PAPPA: variants seen among roughly 807,000 people sequenced by gnomAD.
The protein encoded by PAPPA is pappalysin-1.
PAPPA carries 60 observed loss-of-function variants against 164.0 expected under a neutral mutation model. The observed-to-expected ratio is 0.37, with a 90% CI of 0.30 to 0.45. PAPPA has a LOEUF of 0.45. PAPPA is among the 20% of genes least tolerant of loss of function. The pLI is 1.00. For missense variants in PAPPA, 1,782 were observed against 2,087.3 expected (o/e 0.85, Z 2.85); for synonymous variants, 875 against 814.1 (o/e 1.07, Z -1.27).
chr9:116,294,760 T>A, intron 9 of PAPPA, among the ~76,000 whole-genome samples: 1 of 152,230 alleles, frequency 6.6e-6, no homozygotes, highest in East Asian at 1.9e-4. Context: ...TGAACCCATC[T>A]CTAAATAAAC....
intron 10 of PAPPA, among the ~76,000 whole-genome samples, chr9:116,317,558 G>A (rs1290491079): frequency 6.6e-6 from 1 of 152,160 alleles, no homozygotes; most frequent in East Asian, 1.9e-4. Context: ...TATCTTCAGT[G>A]TCTAAATCTC....
intron 10 of PAPPA, among the ~76,000 whole-genome samples, chr9:116,326,898 A>G (rs1411912276): frequency 6.6e-6 from 1 of 152,162 alleles, no homozygotes; most frequent in East Asian, 1.9e-4. Context: ...CATTCCTCTT[A>G]TTGCAGATTG....
rs1028529154 is a variant in PAPPA at position 116,302,930 on chromosome 9, G to A, written c.3127G>A (p.Gly1043Arg). The A allele has an allele frequency of 2.5e-6, 4 of 1,613,558 alleles. No individual in the cohort carries two copies. The highest frequency in any genetic ancestry group is 2.2e-5 in the East Asian group (1 of 44,866). ...GCAATGCCCAGGCTGGGTCATCATC[G>A]GACAGCCAGCAGCATCCCAGGTAAG... ...DQQCPGWVII[G>R]QPAASQVCRT... is the part of the protein sequence containing the mutation. Residue 1043 changes from glycine (G) to arginine (R), a missense_variant, in exon 10 of 22, where the codon GGA (glycine) becomes AGA (arginine). Around this residue, in one of 2 missense-constraint regions of PAPPA, gnomAD observed 1,324 missense variants for 1,656.9 expected, o/e 0.80. Coordinates refer to ENST00000328252, the MANE Select transcript of PAPPA (RefSeq NM_002581.5).
chr9:116,213,865 G>A (rs774842572), intron 4 of PAPPA, among the ~76,000 whole-genome samples: 2 of 152,160 alleles, frequency 1.3e-5, no homozygotes, highest in Admixed American at 6.5e-5. Flanking sequence ...TGATAGATGA[G>A]GTGACAAAAG....
chr9:116,269,734 T>C lies in PAPPA; in HGVS notation c.2862-1591T>C, dbSNP rs144255241. ...GATGGAAGGGAGGTTGAAAGTAAGC[T>C]TTGTGGCTTAGGGAACCAGCCCAGG... On this transcript the variant is annotated intron_variant, in intron 8 of 21. Transcript: ENST00000328252. 2.0e-3 allele frequency among the ~76,000 whole-genome samples: 312 copies of C among 152,322 alleles called. 1 individual carries two copies. Among genetic ancestry groups the C allele is most frequent in the African/African-American group, 7.3e-3 (304 of 41,582 alleles).
At position 116,277,188 on chromosome 9, in the gene PAPPA, T is replaced by C. The variant is rs570844371; in HGVS notation, c.2953+5772T>C. Among the ~76,000 whole-genome samples the C allele has an allele frequency of 2.0e-5, 3 of 152,140 alleles. No homozygotes were observed. In the East Asian group the frequency reaches 5.8e-4, roughly 29 times the overall value. On this transcript the variant is annotated intron_variant, in intron 9 of 21. Transcript: ENST00000328252. ...ACCTCTCACCTTAAAAAAATTAAAA[T>C]TAAGAAAACAAAATAAAACTTCTCC...
chr9:116,324,026 A>G (rs1054254921), intron 10 of PAPPA, among the ~76,000 whole-genome samples: 10 of 152,214 alleles, frequency 6.6e-5, no homozygotes, highest in African/African-American at 2.4e-4. Flanking sequence ...CTGTTGAAGC[A>G]GCTTCTATTT....
At chr9:116,300,834 A>G (rs1368337111) in intron 9 of PAPPA, among the ~76,000 whole-genome samples, 1 of 125,732 alleles carries the variant, frequency 8.0e-6, no homozygotes, top group Admixed American at 8.9e-5. Context: ...AAGCAAATCA[A>G]CCCATTAAAA....
At chr9:116,377,250 A>G (rs1387672879) in intron 19 of PAPPA, among the ~76,000 whole-genome samples, 1 of 150,768 alleles carries the variant, frequency 6.6e-6, no homozygotes, top group African/African-American at 2.4e-5. Flanking sequence ...CCTTATCCCA[A>G]CTCCACGAAT....
At chr9:116,229,895 C>T (rs903667600) in intron 6 of PAPPA, among the ~76,000 whole-genome samples, 1 of 152,098 alleles carries the variant, frequency 6.6e-6, no homozygotes, top group African/African-American at 2.4e-5. Context: ...AAGATTCTCC[C>T]CTGAGATGTC....
In PAPPA at chr9:116,254,550, G is replaced by A. The variant is rs539043789; in HGVS notation, c.2733-11307G>A. Among the ~76,000 whole-genome samples the A allele has an allele frequency of 6.9e-3, 1,049 of 152,158 alleles. 53 individuals carry two copies. Among genetic ancestry groups the A allele is most frequent in the Admixed American group, 0.06 (910 of 15,276 alleles). Reference sequence around the variant, plus strand: ...GTAATCCCAGCACTTTGGGAGGCCAGGGTGGGCGGATCACAAGGTCAGGAG... The same window carrying A: ...GTAATCCCAGCACTTTGGGAGGCCAAGGTGGGCGGATCACAAGGTCAGGAG... On this transcript the variant is annotated intron_variant, in intron 7 of 21. Coordinates refer to ENST00000328252, the MANE Select transcript of PAPPA (RefSeq NM_002581.5).
chr9:116,266,283 A>G (rs538507514), intron 8 of PAPPA, among the ~76,000 whole-genome samples: 1 of 152,354 alleles, frequency 6.6e-6, no homozygotes, highest in East Asian at 1.9e-4. Context: ...TATGTGTGCT[A>G]CAAGGATTCC....
At chr9:116,283,478 G>T (rs1845291704) in intron 9 of PAPPA, among the ~76,000 whole-genome samples, 2 of 152,066 alleles carry the variant, frequency 1.3e-5, no homozygotes, top group East Asian at 3.9e-4. Flanking sequence ...GGGGGTGAGT[G>T]GGCAGTTCTC....
At chr9:116,266,041 G>T in intron 8 of PAPPA, 56 bp downstream of exon 8, 1 of 1,496,132 alleles carries the variant, frequency 6.7e-7, no homozygotes, top group Non-Finnish European at 9.2e-7. Context: ...GTCAAGAGAT[G>T]GTTAGGGTGC....
At position 116,278,036 on chromosome 9, in the gene PAPPA, G is replaced by A. The variant is rs138477934; in HGVS notation, c.2953+6620G>A. ...CTATGAGATAAATAATGTTATCCCCGTTTTGTAGAGGAAAAAACTGTGGTT... is the reference window on the plus strand; with the variant it reads ...CTATGAGATAAATAATGTTATCCCCATTTTGTAGAGGAAAAAACTGTGGTT... On this transcript the variant is annotated intron_variant, in intron 9 of 21. Coordinates refer to ENST00000328252, the MANE Select transcript of PAPPA (RefSeq NM_002581.5). Among the ~76,000 whole-genome samples the A allele has an allele frequency of 9.8e-4, 150 of 152,316 alleles. 2 individuals carry two copies. The East Asian group carries it at 0.023, about 23-fold the overall frequency.
At chr9:116,232,422 C>T (rs1844609752) in intron 6 of PAPPA, among the ~76,000 whole-genome samples, 1 of 152,194 alleles carries the variant, frequency 6.6e-6, no homozygotes, top group African/African-American at 2.4e-5. Flanking sequence ...GGTAACATTA[C>T]AGTAGGTAAC....
intron 7 of PAPPA, among the ~76,000 whole-genome samples, chr9:116,239,978 G>A (rs1168680335): frequency 3.9e-5 from 6 of 152,086 alleles, no homozygotes; most frequent in Non-Finnish European, 8.8e-5. Context: ...AGAAATAGCA[G>A]GGAAGCATCT....
At chr9:116,331,969 C>CA (rs1343279214) in intron 11 of PAPPA, among the ~76,000 whole-genome samples, 2 of 152,134 alleles carry the variant, frequency 1.3e-5, no homozygotes, top group African/African-American at 4.8e-5. Flanking sequence ...CTTTGCTACA[C>CA]ACTTTACTCT....
intron 6 of PAPPA, among the ~76,000 whole-genome samples, chr9:116,230,656 T>C (rs1313494982): frequency 6.6e-6 from 1 of 152,232 alleles, no homozygotes; most frequent in Non-Finnish European, 1.5e-5. Flanking sequence ...ATTGGAAATC[T>C]ACTGCATTTC....
Sources: allele counts gnomAD v4.1 joint callset (sites outside exome capture counted in the v4.1 genomes callset), GRCh38; gene constraint gnomAD v4.1.1; regional missense constraint gnomAD v4.1.1; transcripts MANE v1.5; gene names NCBI Gene and HGNC (gene_info 2026-07-23, HGNC 2026-07-21).